The following PINX1 variants were observed in gnomAD, a reference collection of about 807,000 sequenced individuals.
The protein encoded by PINX1 is PIN2 (TERF1) interacting telomerase inhibitor 1.
A neutral mutation model predicts 25.4 loss-of-function variants in PINX1; 34 were observed. The observed-to-expected ratio is 1.34, with a 90% CI of 1.02 to 1.78. The LOEUF (loss-of-function observed/expected upper bound fraction) is 1.78, where lower values mean the gene tolerates loss of function less well. Ranked by LOEUF, PINX1 falls within the 40% of genes most tolerant of loss-of-function variation. PINX1 has a pLI of 0.00. For synonymous variants in PINX1, 197 were observed against 147.7 expected (o/e 1.33, Z -2.42); for missense variants, 592 against 404.9 (o/e 1.46, Z -3.97).
intron 6 of PINX1, among the ~76,000 whole-genome samples, chr8:10,788,516 G>A (rs1801822786): frequency 6.6e-6 from 1 of 152,016 alleles, no homozygotes; most frequent in Non-Finnish European, 1.5e-5. Flanking sequence ...AGTGAGCCAA[G>A]ATCGTGCCAC....
intron 6 of PINX1, among the ~76,000 whole-genome samples, chr8:10,776,290 G>A (rs1349077057): frequency 2.0e-5 from 3 of 152,022 alleles, no homozygotes; most frequent in Non-Finnish European, 2.9e-5. Flanking sequence ...GCCGGGTGTG[G>A]TGGTGCAGCC....
intron 6 of PINX1, among the ~76,000 whole-genome samples, chr8:10,804,184 G>A (rs76305002): frequency 1.2e-4 from 18 of 152,336 alleles, no homozygotes; most frequent in African/African-American, 1.7e-4. Flanking sequence ...AACGCAGAGC[G>A]CAGTGAGAGG....
chr8:10,814,620 T>C (rs1031369775), intron 6 of PINX1, among the ~76,000 whole-genome samples: 1 of 152,230 alleles, frequency 6.6e-6, no homozygotes, highest in Non-Finnish European at 1.5e-5. Flanking sequence ...GTGCATGGCG[T>C]AGAATGTAGA....
chr8:10,826,686 C>T (rs1798059502), intron 4 of PINX1, among the ~76,000 whole-genome samples: 1 of 152,182 alleles, frequency 6.6e-6, no homozygotes, highest in African/African-American at 2.4e-5. Context: ...GAGCGGCGGC[C>T]GCTGCCACCG....
Position 10,765,333 on chromosome 8 carries a change from G to T in PINX1, c.*68C>A. ...TGGGGTGAACTCTGCTGTGACTTCA[G>T]GCCAGAGGTGTCTGCCCCCGCAGTG... On this transcript the variant is annotated 3_prime_UTR_variant, in exon 7 of 7. Coordinates refer to ENST00000314787, the MANE Select transcript of PINX1 (RefSeq NM_017884.6). The T allele has an allele frequency of 7.0e-7, 1 of 1,422,384 alleles. No homozygotes were observed. Among genetic ancestry groups the T allele is most frequent in the East Asian group, 2.4e-5 (1 of 42,042 alleles). The allele number at this position is 1,422,384 out of a possible 1,614,324, so 88.1% of individuals were successfully genotyped here. A position where few individuals can be genotyped will look rare whatever the true frequency, so the allele number is the denominator to read the frequency against.
intron 6 of PINX1, among the ~76,000 whole-genome samples, chr8:10,807,327 A>AT (rs1402627462): frequency 6.2e-5 from 2 of 32,042 alleles, no homozygotes; most frequent in African/African-American, 2.1e-4. Context: ...TCCCCCCCCC[A>AT]CCCCCCCCCC....
chr8:10,839,491 A>G (rs958984887), intron 1 of PINX1, among the ~76,000 whole-genome samples: 2 of 152,176 alleles, frequency 1.3e-5, no homozygotes, highest in African/African-American at 4.8e-5. Flanking sequence ...CACGCGACCC[A>G]GGGTGATTCT....
intron 6 of PINX1, among the ~76,000 whole-genome samples, chr8:10,815,594 A>G (rs10903330): frequency 0.64 from 96,707 of 152,018 alleles, 31,738 homozygotes; most frequent in African/African-American, 0.78. Flanking sequence ...AGCTCTGCAC[A>G]TGGGCCCACA....
Position 10,831,458 on chromosome 8 carries a change from A to T in PINX1, c.301+207T>A, listed in dbSNP as rs570353422. Among the ~76,000 whole-genome samples, 114 of 152,352 alleles carry T rather than the reference A, an allele frequency of 7.5e-4. 1 individual carries two copies. The highest frequency in any genetic ancestry group is 2.4e-3 in the African/African-American group (101 of 41,574). On this transcript the variant is annotated intron_variant, in intron 4 of 6. Transcript: ENST00000314787. ...CAGATTTTAAATGCTCCCAACACAA[A>T]TAATAAATGTCTGAAGTGATATATA...
Position 10,776,668 on chromosome 8 carries a change from C to T in PINX1, c.472-10752G>A, listed in dbSNP as rs1801407018. Among the ~76,000 whole-genome samples, 3 of 152,112 alleles carry T rather than the reference C, an allele frequency of 2.0e-5. No homozygotes were observed. The South Asian group carries it at 6.2e-4, about 32-fold the overall frequency. On this transcript the variant is annotated intron_variant, in intron 6 of 6. Coordinates refer to ENST00000314787, the MANE Select transcript of PINX1 (RefSeq NM_017884.6). ...GGCTCACAACGGCTGATGATGACCT[C>T]AGGCTGCCCACTCTTCCAGCTCTGC...
Position 10,781,514 on chromosome 8 carries a change from A to G in PINX1, c.472-15598T>C, listed in dbSNP as rs563756491. On this transcript the variant is annotated intron_variant, in intron 6 of 6. Transcript: ENST00000314787. ...GCAACTCAGTAGCAAGAAAATACATAACCTGATTAAAAAATGGGCAAAGAT... is the reference window on the plus strand; with the variant it reads ...GCAACTCAGTAGCAAGAAAATACATGACCTGATTAAAAAATGGGCAAAGAT... Among the ~76,000 whole-genome samples, 4 of 152,358 alleles carry G rather than the reference A, an allele frequency of 2.6e-5. No homozygotes were observed. In the South Asian group the frequency reaches 8.3e-4, roughly 32 times the overall value.
chr8:10,826,290 T>A (rs1202568048), intron 4 of PINX1, 46 bp from the exon 5 acceptor site: 1 of 1,011,250 alleles, frequency 9.9e-7, no homozygotes, highest in Non-Finnish European at 1.5e-6. Context: ...TCTAATCCAA[T>A]CTCATTTATT....
chr8:10,836,189 C>A (rs1401180737), intron 1 of PINX1, among the ~76,000 whole-genome samples: 12 of 152,068 alleles, frequency 7.9e-5, no homozygotes, highest in African/African-American at 2.7e-4. Context: ...TATGCACACT[C>A]CAGCAAAAAT....
chr8:10,811,018 T>C (rs1194659600), intron 6 of PINX1, among the ~76,000 whole-genome samples: 1 of 152,270 alleles, frequency 6.6e-6, no homozygotes, highest in Non-Finnish European at 1.5e-5. Context: ...CATTTTAAAC[T>C]GTGAGAGTGT....
intron 5 of PINX1, among the ~76,000 whole-genome samples, chr8:10,823,054 A>G (rs917470548): frequency 3.3e-5 from 5 of 152,216 alleles, no homozygotes. Context: ...AGGAAAGTGG[A>G]AAGAGTCAGT....
intron 6 of PINX1, among the ~76,000 whole-genome samples, chr8:10,777,779 C>T (rs1168428704): frequency 6.6e-6 from 1 of 152,206 alleles, no homozygotes; most frequent in Non-Finnish European, 1.5e-5. Flanking sequence ...ACTTTCATTG[C>T]TTCGCACTCT....
At chr8:10,818,336 C>A (rs1320504265) in intron 6 of PINX1, among the ~76,000 whole-genome samples, 1 of 152,192 alleles carries the variant, frequency 6.6e-6, no homozygotes, top group African/African-American at 2.4e-5. Flanking sequence ...CTCACTTTAA[C>A]ATGACTTAGC....
At chr8:10,792,075 G>A (rs546300184) in intron 6 of PINX1, among the ~76,000 whole-genome samples, 11 of 152,156 alleles carry the variant, frequency 7.2e-5, no homozygotes, top group South Asian at 2.1e-4. Context: ...TCTGTATTAC[G>A]ATCAGCTATT....
intron 6 of PINX1, among the ~76,000 whole-genome samples, chr8:10,813,361 G>A (rs558199882): frequency 6.6e-6 from 1 of 152,112 alleles, no homozygotes; most frequent in Non-Finnish European, 1.5e-5. Context: ...GAATTAAAAG[G>A]CACTTGAAAA....
Sources: allele counts gnomAD v4.1 joint callset (sites outside exome capture counted in the v4.1 genomes callset), GRCh38; gene constraint gnomAD v4.1.1; transcripts MANE v1.5; gene names NCBI Gene and HGNC (gene_info 2026-07-23, HGNC 2026-07-21).